PDE4D: variants seen among roughly 807,000 people sequenced by gnomAD.
PDE4D encodes 3',5'-cyclic-AMP phosphodiesterase 4D.
Under a neutral mutation model 87.4 loss-of-function variants are expected in PDE4D, and 24 were observed. The observed-to-expected ratio is 0.27, with a 90% CI of 0.20 to 0.39. The LOEUF is 0.39. Among genes scored for constraint, PDE4D ranks in the 10% least tolerant of loss-of-function variants. The pLI, the probability that PDE4D is intolerant of heterozygous loss-of-function variation, is 1.00. For synonymous variants in PDE4D, 384 were observed against 383.2 expected (o/e 1.00, Z -0.02); for missense variants, 714 against 1,041.0 (o/e 0.69, Z 4.32).
chr5:60,166,478 T>A (rs943841388), intron 2 of PDE4D, among the ~76,000 whole-genome samples: 2 of 152,248 alleles, frequency 1.3e-5, no homozygotes, highest in African/African-American at 4.8e-5. Flanking sequence ...ACAATTTACA[T>A]CTTATTATAC....
chr5:59,811,969 T>C (rs1768401361), intron 1 of PDE4D, among the ~76,000 whole-genome samples: 1 of 152,184 alleles, frequency 6.6e-6, no homozygotes, highest in Admixed American at 6.5e-5. Context: ...ACTTTCCCCA[T>C]CGTGAGGGTT....
intron 1 of PDE4D, among the ~76,000 whole-genome samples, chr5:59,259,701 G>A (rs1033530112): frequency 6.6e-6 from 1 of 151,802 alleles, no homozygotes; most frequent in Non-Finnish European, 1.5e-5. Context: ...GGATGCCAGA[G>A]TAAGTATCTT....
intron 1 of PDE4D, among the ~76,000 whole-genome samples, chr5:59,877,841 G>A (rs968743526): frequency 1.3e-5 from 2 of 151,872 alleles, no homozygotes; most frequent in Non-Finnish European, 2.9e-5. Flanking sequence ...GAAAAGTTTA[G>A]ACAAGTTTCC....
chr5:59,443,497 G>A (rs569039420), intron 1 of PDE4D, among the ~76,000 whole-genome samples: 4 of 152,198 alleles, frequency 2.6e-5, no homozygotes, highest in Admixed American at 6.5e-5. Flanking sequence ...GTACTCTCTC[G>A]TTCTCCTTTC....
At chr5:59,437,543 AG>A (rs2153634515) in intron 1 of PDE4D, among the ~76,000 whole-genome samples, 1 of 152,350 alleles carries the variant, frequency 6.6e-6, no homozygotes, top group South Asian at 2.1e-4. Flanking sequence ...TAGCTAGTTC[AG>A]CAAAGAGGAG....
At chr5:59,327,132 TACACACACACACAC>T (rs3061651) in intron 1 of PDE4D, among the ~76,000 whole-genome samples, 4 of 141,780 alleles carry the variant, frequency 2.8e-5, no homozygotes, top group Non-Finnish European at 4.6e-5. Flanking sequence ...GAAACAGAAA[TACACACACACACAC>T]ACACACACAC....
chr5:59,560,792 A>G (rs1819846118), intron 1 of PDE4D: 1 of 152,270 alleles, frequency 6.6e-6, no homozygotes, highest in African/African-American at 2.4e-5. Context: ...GTTTCTGGAG[A>G]CAGTCTTAAT....
chr5:59,653,920 G>A (rs575531160), intron 1 of PDE4D, among the ~76,000 whole-genome samples: 8 of 150,970 alleles, frequency 5.3e-5, no homozygotes, highest in Non-Finnish European at 1.2e-4. Flanking sequence ...AAAAAGGGAG[G>A]GGAGGCCAGG....
intron 1 of PDE4D, among the ~76,000 whole-genome samples, chr5:60,402,236 G>T (rs1583639359): frequency 6.6e-6 from 1 of 152,194 alleles, no homozygotes; most frequent in Non-Finnish European, 1.5e-5. Flanking sequence ...AGTGATATCT[G>T]CAGAACATCC....
chr5:58,977,138 T>G, intron 12 of PDE4D, 53 bp downstream of exon 12: 1 of 1,517,876 alleles, frequency 6.6e-7, no homozygotes, highest in Admixed American at 2.0e-5. Context: ...TATGTCTAAA[T>G]TATAAACAAC....
intron 1 of PDE4D, among the ~76,000 whole-genome samples, chr5:59,649,987 T>C (rs935160603): frequency 6.9e-6 from 1 of 145,560 alleles, no homozygotes; most frequent in Non-Finnish European, 1.5e-5. Context: ...GACTTTTGTG[T>C]AGAAGTAAAA....
intron 2 of PDE4D, among the ~76,000 whole-genome samples, chr5:60,011,597 T>C (rs1765025754): frequency 6.6e-6 from 1 of 152,190 alleles, no homozygotes; most frequent in African/African-American, 2.4e-5. Flanking sequence ...TGATACTATA[T>C]TGACATTAAA....
chr5:59,712,653 A>G (rs1754383121), intron 1 of PDE4D, among the ~76,000 whole-genome samples: 1 of 150,344 alleles, frequency 6.7e-6, no homozygotes, highest in Admixed American at 6.6e-5. Context: ...TAATTATAAT[A>G]ATATATCTAT....
Position 59,614,169 on chromosome 5 carries a change from T to C in PDE4D, c.455+278999A>G, listed in dbSNP as rs186288563. Among the ~76,000 whole-genome samples the C allele has an allele frequency of 3.1e-3, 470 of 152,312 alleles. 7 individuals carry two copies. The highest frequency in any genetic ancestry group is 0.026 in the South Asian group (124 of 4,824). On this transcript the variant is annotated intron_variant, in intron 1 of 14. Coordinates refer to ENST00000340635, the MANE Select transcript of PDE4D (RefSeq NM_001104631.2). ...TTCTTAGTCACTGCCCTGACTGGACTTGACCTGACTGGGGAGCACACATTG... is the reference window on the plus strand; with the variant it reads ...TTCTTAGTCACTGCCCTGACTGGACCTGACCTGACTGGGGAGCACACATTG...
Position 60,022,995 on chromosome 5 carries a change from G to A in PDE4D, c.43-34278C>T, listed in dbSNP as rs145196370. ...TCAGCTCGACCTGTCACCAGCTCGG[G>A]ACATTAATGCTCCATTGAATGTCCC... On this transcript the variant is annotated intron_variant, in intron 2 of 16. Transcript: ENST00000502484. Among the ~76,000 whole-genome samples, 383 of 152,220 alleles carry A rather than the reference G, an allele frequency of 2.5e-3. 1 individual carries two copies. Among genetic ancestry groups the A allele is most frequent in the Non-Finnish European group, 4.0e-3 (275 of 68,020 alleles).
In PDE4D at chr5:60,365,244, G is replaced by A. The variant is rs185805773; in HGVS notation, c.-90+122698C>T. ...ATCTTGGCATGCAACAACATGAGGAGAAGTCTTGCAATGTTAGCACAAACA... is the reference window on the plus strand; with the variant it reads ...ATCTTGGCATGCAACAACATGAGGAAAAGTCTTGCAATGTTAGCACAAACA... On this transcript the variant is annotated intron_variant, in intron 1 of 16. Coordinates refer to the PDE4D transcript ENST00000502484. 6.2e-4 allele frequency among the ~76,000 whole-genome samples: 95 copies of A among 152,290 alleles called. 1 individual carries two copies. In the East Asian group the frequency reaches 0.017, roughly 28 times the overall value.
intron 1 of PDE4D, among the ~76,000 whole-genome samples, chr5:59,756,553 C>T (rs1761257866): frequency 8.0e-6 from 1 of 125,296 alleles, no homozygotes; most frequent in African/African-American, 2.7e-5. Flanking sequence ...CACACTGAGT[C>T]ATGGTGACAA....
At chr5:59,972,101 G>T (rs1347348720) in intron 3 of PDE4D, among the ~76,000 whole-genome samples, 1 of 152,128 alleles carries the variant, frequency 6.6e-6, no homozygotes, top group Non-Finnish European at 1.5e-5. Flanking sequence ...TGGCATATGT[G>T]ATGGTCTGAG....
chr5:60,208,904 G>GA (rs1315139643), intron 1 of PDE4D, among the ~76,000 whole-genome samples: 1 of 152,186 alleles, frequency 6.6e-6, no homozygotes, highest in East Asian at 1.9e-4. Flanking sequence ...GTGCCGGCAA[G>GA]ACAGATGGGA....
Sources: allele counts gnomAD v4.1 joint callset (sites outside exome capture counted in the v4.1 genomes callset), GRCh38; gene constraint gnomAD v4.1.1; transcripts MANE v1.5; gene names NCBI Gene and HGNC (gene_info 2026-07-23, HGNC 2026-07-21).